MYOF: variants seen among roughly 807,000 people sequenced by gnomAD.
The protein encoded by MYOF is fer-1-like 3, myoferlin.
Under a neutral mutation model 284.2 loss-of-function variants are expected in MYOF, and 244 were observed. The ratio of observed to expected loss-of-function variants is 0.86; its 90% confidence interval spans 0.77 to 0.95. The LOEUF (loss-of-function observed/expected upper bound fraction) is 0.95, where lower values mean the gene tolerates loss of function less well. Ranked by LOEUF, MYOF falls within the 40% of genes least tolerant of loss-of-function variation. The pLI, the probability that MYOF is intolerant of heterozygous loss-of-function variation, is 0.00. For synonymous variants in MYOF, 904 were observed against 919.7 expected, an observed-to-expected ratio of 0.98 and a Z score of 0.31; for missense variants, 2,496 against 2,560.6, an observed-to-expected ratio of 0.97 and a Z score of 0.54.
intron 1 of MYOF, among the ~76,000 whole-genome samples, chr10:93,463,403 T>A (rs778713687): frequency 9.3e-4 from 134 of 144,452 alleles, no homozygotes; most frequent in Non-Finnish European, 1.5e-3. Context: ...AATTTTTTTT[T>A]TTTTTTTTTT....
rs1256778304 is a variant in MYOF at position 93,408,865 on chromosome 10, C to A, written c.651G>T (p.Arg217Ser). 1 of 1,614,070 alleles carries A rather than the reference C, an allele frequency of 6.2e-7. No homozygotes were observed. The highest frequency in any genetic ancestry group is 1.7e-5 in the Admixed American group (1 of 59,996). ...EGRQLSGNNI[R>S]PVVKVHVCGQ... ...CACAGACGTGAACTTTGACCACAGG[C>A]CTTATGTTGTTACCACTTAACTGTC... The change falls in exon 7 of 54, where the codon AGG (arginine) becomes AGT (serine). Residue 217 changes from arginine (R) to serine (S), a missense_variant. By Grantham distance (110) the Arg-to-Ser change is moderately radical. Coordinates refer to ENST00000359263, the MANE Select transcript of MYOF (RefSeq NM_013451.4).
intron 51 of MYOF, among the ~76,000 whole-genome samples, chr10:93,312,517 G>T (rs1326466692): frequency 6.6e-6 from 1 of 151,880 alleles, no homozygotes; most frequent in Non-Finnish European, 1.5e-5. Flanking sequence ...GGCTATTTTT[G>T]TTGTTGTTGT....
Position 93,379,938 on chromosome 10 carries a change from G to C in MYOF, c.1926C>G (p.Thr642=), listed in dbSNP as rs764447839. 1.9e-6 allele frequency: 3 copies of C among 1,614,072 alleles called. No individual in the cohort carries two copies. In the Admixed American group the frequency reaches 5.0e-5, roughly 27 times the overall value. ...LPWAHTKPVV[T]LTSYWEDISH... ...TAATATCCTCCCAGTATGAAGTCAG[G>C]GTAACAACTGGCTTGGTGTGGGCCC... is the stretch of plus-strand genomic sequence containing the variant. Residue 642 remains threonine (T), a synonymous_variant, in exon 21 of 54, where the codon ACC becomes ACG. Coordinates refer to ENST00000359263, the MANE Select transcript of MYOF (RefSeq NM_013451.4).
intron 1 of MYOF, among the ~76,000 whole-genome samples, chr10:93,471,960 C>T (rs1241859080): frequency 6.6e-6 from 1 of 152,128 alleles, no homozygotes; most frequent in African/African-American, 2.4e-5. Context: ...AAGGCTATTT[C>T]CCACACGTCT....
chr10:93,315,773 G>C (rs901569122), intron 50 of MYOF, among the ~76,000 whole-genome samples: 2 of 152,064 alleles, frequency 1.3e-5, no homozygotes, highest in Non-Finnish European at 2.9e-5. Flanking sequence ...ATCCTTGGAG[G>C]GGGTGGTTGG....
chr10:93,372,536 A>G (rs988708827), intron 24 of MYOF, among the ~76,000 whole-genome samples: 5 of 152,168 alleles, frequency 3.3e-5, no homozygotes, highest in African/African-American at 7.2e-5. Context: ...GATTCAATCT[A>G]TTGCTCATTA....
intron 19 of MYOF, among the ~76,000 whole-genome samples, chr10:93,385,670 T>C (rs1846327793): frequency 6.6e-6 from 1 of 152,218 alleles, no homozygotes; most frequent in African/African-American, 2.4e-5. Context: ...TGTTAGGTTT[T>C]TAAAATTTTT....
At chr10:93,425,845 G>A in intron 5 of MYOF, 1 of 574,146 alleles carries the variant, frequency 1.7e-6, no homozygotes, top group Non-Finnish European at 3.1e-6. Flanking sequence ...CCGTGAGGTT[G>A]TTCAGTAAAG....
chr10:93,430,364 C>T (rs1189474521), intron 4 of MYOF, among the ~76,000 whole-genome samples: 3 of 151,804 alleles, frequency 2.0e-5, no homozygotes, highest in African/African-American at 7.3e-5. Context: ...GGAGGATCAC[C>T]TGAGGTCAGG....
Position 93,366,463 on chromosome 10 carries a change from G to A in MYOF, c.2682C>T (p.Leu894=), listed in dbSNP as rs1430169364. The A allele has an allele frequency of 6.2e-7, 1 of 1,613,468 alleles. No individual in the cohort carries two copies. The highest frequency in any genetic ancestry group is 1.7e-5 in the Admixed American group (1 of 59,982). ...TTGGAGGCAGAAAAAATTCCCTCTT[G>A]AGTTTTATTTTTCCTGTGACATCAG... ...KFSDVTGKIK[L]KREFFLPPKG... The change falls in exon 26 of 54, where the codon CTC becomes CTT. Residue 894 remains leucine (L), a synonymous_variant. Coordinates refer to ENST00000359263, the MANE Select transcript of MYOF (RefSeq NM_013451.4).
intron 38 of MYOF, among the ~76,000 whole-genome samples, chr10:93,343,234 A>G (rs1360069059): frequency 2.0e-5 from 3 of 152,170 alleles, no homozygotes; most frequent in Non-Finnish European, 4.4e-5. Flanking sequence ...TCCTTCGTGT[A>G]GAAGTGGCTG....
intron 13 of MYOF, 149 bp from the exon 14 acceptor site, chr10:93,397,605 T>C: frequency 1.9e-6 from 1 of 537,152 alleles, no homozygotes; most frequent in Non-Finnish European, 3.2e-6. Context: ...ATTTGTAAAA[T>C]ATGACATGGG....
intron 7 of MYOF, among the ~76,000 whole-genome samples, chr10:93,404,661 A>C (rs889245043): frequency 2.6e-5 from 4 of 151,432 alleles, no homozygotes; most frequent in Non-Finnish European, 5.9e-5. Flanking sequence ...AAAAAAAAAA[A>C]AGGGAAAAAG....
In MYOF at chr10:93,356,738, C is replaced by T; in HGVS notation, c.3231G>A (p.Arg1077=). ...GTGTTTCTGAAGGAGCCATTTTTCT[C>T]CTCCAGCGTCTGCGGCGGAAGGTAT... The part of the protein sequence containing the change: ...SSDTFRRRRW[R]RKMAPSETHG... Residue 1077 remains arginine, a synonymous_variant, in exon 30 of 54, where the codon AGG becomes AGA. Transcript: ENST00000359263. The T allele has an allele frequency of 6.2e-7, 1 of 1,614,086 alleles. No homozygotes were observed. The highest frequency in any genetic ancestry group is 2.2e-5 in the East Asian group (1 of 44,884).
intron 1 of MYOF, 103 bp downstream of exon 1, chr10:93,482,004 C>T: frequency 9.0e-7 from 1 of 1,112,010 alleles, no homozygotes; most frequent in South Asian, 1.3e-5. Flanking sequence ...GCTGGAGAGA[C>T]TTGGCTTCAT....
intron 4 of MYOF, among the ~76,000 whole-genome samples, chr10:93,427,927 T>C (rs1338182893): frequency 3.9e-5 from 6 of 152,090 alleles, no homozygotes; most frequent in African/African-American, 1.4e-4. Flanking sequence ...GAAATCGACA[T>C]TGGGTTGCTA....
chr10:93,348,696 G>T (rs1589426463), intron 36 of MYOF, among the ~76,000 whole-genome samples: 1 of 152,082 alleles, frequency 6.6e-6, no homozygotes, highest in African/African-American at 2.4e-5. Flanking sequence ...ATGGGCATTG[G>T]GGTTGTAAGG....
intron 7 of MYOF, among the ~76,000 whole-genome samples, chr10:93,404,631 G>A: frequency 8.0e-6 from 1 of 124,678 alleles, no homozygotes; most frequent in African/African-American, 3.3e-5. Flanking sequence ...AATATAGTGA[G>A]AGGCCATCTC....
In MYOF at chr10:93,325,854, T is replaced by C; in HGVS notation, c.5243A>G (p.His1748Arg). Residue 1748 changes from histidine to arginine, a missense_variant, in exon 46 of 54, where the codon CAC (histidine) becomes CGC (arginine). His to Arg is a conservative substitution (Grantham distance 29). Coordinates refer to ENST00000359263, the MANE Select transcript of MYOF (RefSeq NM_013451.4). The stretch of plus-strand genomic sequence containing the variant: ...GGAAATGTTGGGCTGGAAGGTGCTG[T>C]GCAAAGTCCTTGTTTCCACGTGCTC... ...VPEHVETRTL[H>R]STFQPNISQG... 1.2e-6 allele frequency: 2 copies of C among 1,614,096 alleles called. No individual in the cohort carries two copies. Among genetic ancestry groups the C allele is most frequent in the South Asian group, 2.2e-5 (2 of 91,062 alleles).
Sources: gnomAD v4.1 joint callset for allele counts (sites outside exome capture counted in the v4.1 genomes callset) on GRCh38, gnomAD v4.1.1 for gene constraint, MANE v1.5 for transcripts, NCBI Gene and HGNC (gene_info 2026-07-23, HGNC 2026-07-21) for gene names.